LAMB1: variants seen among roughly 807,000 people sequenced by gnomAD.
The protein encoded by LAMB1 is laminin subunit beta-1.
Under a neutral mutation model 222.3 loss-of-function variants are expected in LAMB1, and 121 were observed. That is an observed-to-expected ratio of 0.54 (90% confidence interval 0.47 to 0.63). The LOEUF (loss-of-function observed/expected upper bound fraction) is 0.63, where lower values mean the gene tolerates loss of function less well. Ranked by LOEUF, LAMB1 falls within the 30% of genes least tolerant of loss-of-function variation. The pLI, the probability that LAMB1 is intolerant of heterozygous loss-of-function variation, is 0.00. For missense variants in LAMB1, 2,172 were observed against 2,240.8 expected (o/e 0.97, Z 0.62); for synonymous variants, 794 against 807.2 (o/e 0.98, Z 0.28).
At chr7:107,983,450 A>G (rs1158510205) in intron 7 of LAMB1, among the ~76,000 whole-genome samples, 1 of 152,162 alleles carries the variant, frequency 6.6e-6, no homozygotes, top group African/African-American at 2.4e-5. Context: ...AGTCACAGCA[A>G]CATCAACAGC....
At chr7:107,962,199 G>A (rs991627028) in intron 15 of LAMB1, among the ~76,000 whole-genome samples, 3 of 152,134 alleles carry the variant, frequency 2.0e-5, no homozygotes, top group East Asian at 1.9e-4. Context: ...GCCCTGGCTC[G>A]GGCTGGCTGG....
At chr7:107,976,426 C>A (rs1236647266) in intron 9 of LAMB1, among the ~76,000 whole-genome samples, 1 of 152,188 alleles carries the variant, frequency 6.6e-6, no homozygotes, top group Non-Finnish European at 1.5e-5. Flanking sequence ...GCTAGCTGAC[C>A]CCCTTGGGTG....
chr7:108,002,243 C>A (rs1185810523), intron 2 of LAMB1: 2 of 1,316,824 alleles, frequency 1.5e-6, no homozygotes, highest in African/African-American at 3.5e-5. Context: ...GCGAGGGTCA[C>A]CGGCGCTTCG....
chr7:108,002,774 G>A, intron 2 of LAMB1, 75 bp downstream of exon 2: 1 of 1,600,938 alleles, frequency 6.2e-7, no homozygotes, highest in East Asian at 2.2e-5. Context: ...CCACGAAGGT[G>A]AGCAAGCAGC....
chr7:107,935,425 G>A lies in LAMB1; in HGVS notation c.4178C>T (p.Ala1393Val), dbSNP rs1226925330. ...ATCCCCAAACCTTACCATTTCGGCA[G>A]CGGCTGAAAGGTCTAGGCTTTGTAG... Reference protein sequence around the residue: ...GKLQSLDLSAAAEMTCGTPPG... With the variant: ...GKLQSLDLSAVAEMTCGTPPG... The change falls in exon 27 of 34, where the codon GCT becomes GTT. Residue 1393 changes from alanine (A) to valine (V), a missense_variant. Ala to Val is a moderately conservative substitution (Grantham distance 64). Coordinates refer to ENST00000222399, the MANE Select transcript of LAMB1 (RefSeq NM_002291.3). 6.4e-7 allele frequency: 1 copy of A among 1,571,286 alleles called. No individual in the cohort carries two copies. The highest frequency in any genetic ancestry group is 8.6e-7 in the Non-Finnish European group (1 of 1,158,490).
At chr7:107,995,646 C>A (rs1267565026) in intron 4 of LAMB1, among the ~76,000 whole-genome samples, 1 of 152,130 alleles carries the variant, frequency 6.6e-6, no homozygotes, top group Non-Finnish European at 1.5e-5. Flanking sequence ...TGCACCCTTG[C>A]CCTGAGGGTC....
At chr7:107,988,707 T>C (rs1209766990) in intron 5 of LAMB1, among the ~76,000 whole-genome samples, 1 of 151,942 alleles carries the variant, frequency 6.6e-6, no homozygotes, top group Non-Finnish European at 1.5e-5. Flanking sequence ...GTCATGAGGG[T>C]GGGCTGTAAT....
chr7:107,988,023 A>T (rs751526688), intron 5 of LAMB1, among the ~76,000 whole-genome samples: 1 of 152,240 alleles, frequency 6.6e-6, no homozygotes, highest in Non-Finnish European at 1.5e-5. Context: ...GACATGGATG[A>T]TACAAAACAC....
intron 15 of LAMB1, among the ~76,000 whole-genome samples, chr7:107,962,506 G>A (rs1387515751): frequency 6.6e-6 from 1 of 152,150 alleles, no homozygotes; most frequent in African/African-American, 2.4e-5. Flanking sequence ...CTGAGGTCAG[G>A]AGTTCAAGAT....
At chr7:107,980,947 G>A in intron 7 of LAMB1, 136 bp from the exon 8 acceptor site, 1 of 605,934 alleles carries the variant, frequency 1.7e-6, no homozygotes, top group Non-Finnish European at 2.9e-6. Context: ...GTATGATCTA[G>A]ATGACTCCAA....
intron 14 of LAMB1, among the ~76,000 whole-genome samples, chr7:107,963,845 TC>T (rs2033565670): frequency 6.6e-6 from 1 of 152,228 alleles, no homozygotes; most frequent in Non-Finnish European, 1.5e-5. Context: ...ACGCCTGTAA[TC>T]CCAACACTTT....
rs374116231 is a variant in LAMB1, at chr7:108,002,851, A to G, written c.35T>C (p.Leu12Ser). 5 of 1,614,060 alleles carry G rather than the reference A, an allele frequency of 3.1e-6. No individual in the cohort carries two copies. Among genetic ancestry groups the G allele is most frequent in the Non-Finnish European group, 4.2e-6 (5 of 1,179,970 alleles). ...CCGCACCGTTTCCACGGAATTACCTAAGAAACTGAAAGCTAGCAACTGGAG... is the reference window on the plus strand; with the variant it reads ...CCGCACCGTTTCCACGGAATTACCTGAGAAACTGAAAGCTAGCAACTGGAG... ...GLLQLLAFSF[L>S]ALCRARVRAQ... Residue 12 changes from leucine (L) to serine (S), a missense_variant and splice_region_variant, in exon 2 of 34, where the codon TTA becomes TCA. By Grantham distance (145) the Leu-to-Ser change is moderately radical. Transcript: ENST00000222399.
intron 27 of LAMB1, among the ~76,000 whole-genome samples, chr7:107,934,216 C>G (rs968135259): frequency 6.6e-6 from 1 of 152,070 alleles, no homozygotes; most frequent in African/African-American, 2.4e-5. Flanking sequence ...AGTATGAAAC[C>G]TAGCAGGCAT....
intron 24 of LAMB1, among the ~76,000 whole-genome samples, chr7:107,946,542 A>T (rs2033119241): frequency 6.6e-6 from 1 of 152,276 alleles, no homozygotes. Flanking sequence ...AAGTGGGTGT[A>T]AAACTTATAT....
intron 4 of LAMB1, among the ~76,000 whole-genome samples, chr7:107,996,847 T>C (rs1049692105): frequency 5.9e-5 from 9 of 152,364 alleles, no homozygotes; most frequent in Non-Finnish European, 1.0e-4. Context: ...CTTCAAACGG[T>C]CTTTCACTAG....
intron 31 of LAMB1, among the ~76,000 whole-genome samples, chr7:107,928,304 G>T (rs891442706): frequency 5.9e-5 from 9 of 152,164 alleles, no homozygotes; most frequent in African/African-American, 7.2e-5. Context: ...CTCTAGAATT[G>T]GGTATTGAAA....
chr7:108,002,287 C>T (rs1356356329), intron 2 of LAMB1: 4 of 1,311,442 alleles, frequency 3.1e-6, no homozygotes, highest in Non-Finnish European at 4.0e-6. Flanking sequence ...GCGGTGGACG[C>T]CGCTTTCCGG....
intron 5 of LAMB1, among the ~76,000 whole-genome samples, chr7:107,992,754 G>T (rs1041026442): frequency 1.3e-5 from 2 of 152,124 alleles, no homozygotes; most frequent in African/African-American, 4.8e-5. Context: ...AATTAGCCAG[G>T]TGTGGTGGCA....
Position 107,991,273 on chromosome 7 carries a change from T to C in LAMB1, c.423+3614A>G, listed in dbSNP as rs142512627. Among the ~76,000 whole-genome samples the C allele has an allele frequency of 3.3e-3, 506 of 152,298 alleles. 2 individuals are homozygous for C. The highest frequency in any genetic ancestry group is 0.012 in the African/African-American group (484 of 41,558). On this transcript the variant is annotated intron_variant, in intron 5 of 33. Transcript: ENST00000222399. ...GGCAAATTTTGGCAAGAAATGATCA[T>C]TCATTTCTTATTAAAAATACAAAAA...
Sources: allele counts gnomAD v4.1 joint callset (sites outside exome capture counted in the v4.1 genomes callset), GRCh38; gene constraint gnomAD v4.1.1; transcripts MANE v1.5; gene names NCBI Gene and HGNC (gene_info 2026-07-23, HGNC 2026-07-21).